Variants in LARP4B observed in about 807,000 individuals in gnomAD.
LARP4B encodes La ribonucleoprotein 4B.
LARP4B carries 12 observed loss-of-function variants against 89.8 expected under a neutral mutation model. That is an observed-to-expected ratio of 0.13 (90% confidence interval 0.09 to 0.22). The LOEUF is 0.22. LARP4B is among the 10% of genes least tolerant of loss of function. The pLI is 1.00. For synonymous variants in LARP4B, 367 were observed against 363.3 expected, an observed-to-expected ratio of 1.01 and a Z score of -0.12; for missense variants, 757 against 947.7, an observed-to-expected ratio of 0.80 and a Z score of 2.64.
chr10:837,374 A>G (rs1004686417), intron 7 of LARP4B, among the ~76,000 whole-genome samples: 3 of 152,264 alleles, frequency 2.0e-5, no homozygotes, highest in African/African-American at 7.2e-5. Context: ...GTAAAACTTA[A>G]CACTGGTAGA....
the LARP4B span, among the ~76,000 whole-genome samples, chr10:959,805 ATTCCC>A: frequency 9.5e-6 from 1 of 105,136 alleles, no homozygotes; most frequent in African/African-American, 3.9e-5. Flanking sequence ...CCTCCTCGTC[ATTCCC>A]ACCTCCTCGT....
intron 9 of LARP4B, among the ~76,000 whole-genome samples, chr10:830,453 A>G (rs979419604): frequency 7.9e-5 from 12 of 152,238 alleles, no homozygotes; most frequent in Non-Finnish European, 1.3e-4. Flanking sequence ...TAAAAGCAGG[A>G]AAACTACTAA....
rs112094567 is a variant in LARP4B at position 816,029 on chromosome 10, G to A, written c.1696-959C>T. 3.2e-3 allele frequency among the ~76,000 whole-genome samples: 480 copies of A among 152,354 alleles called. 1 individual carries two copies. The highest frequency in any genetic ancestry group is 0.011 in the African/African-American group (450 of 41,580). On this transcript the variant is annotated intron_variant, in intron 15 of 17. Coordinates refer to ENST00000316157, the MANE Select transcript of LARP4B (RefSeq NM_015155.3). ...GAATCACCTGAGGTCAGGGGTTTGA[G>A]GCCAGCCTGGCCAACATGGTGAAAC...
chr10:866,126 C>T (rs932889626), intron 3 of LARP4B, among the ~76,000 whole-genome samples: 32 of 152,178 alleles, frequency 2.1e-4, no homozygotes, highest in Admixed American at 2.1e-3. Flanking sequence ...TTCCTGCTCC[C>T]CCAGTCACTG....
the LARP4B span, among the ~76,000 whole-genome samples, chr10:943,055 T>G: frequency 6.6e-6 from 1 of 151,550 alleles, no homozygotes; most frequent in Non-Finnish European, 1.5e-5. Context: ...CAAGAGATTC[T>G]CCTGCCTTGG....
chr10:936,908 A>G, the LARP4B span, among the ~76,000 whole-genome samples: 2 of 152,234 alleles, frequency 1.3e-5, no homozygotes, highest in Non-Finnish European at 2.9e-5. Flanking sequence ...ACTGTGAGTA[A>G]AAAAGAACGC....
chr10:842,439 G>A (rs150953488), intron 7 of LARP4B, among the ~76,000 whole-genome samples: 1,649 of 151,922 alleles, frequency 0.011, 13 homozygotes, highest in African/African-American at 0.021. Flanking sequence ...CTCATGATCC[G>A]CCCAACTCGA....
the LARP4B span, among the ~76,000 whole-genome samples, chr10:967,465 C>T: frequency 6.6e-6 from 1 of 152,160 alleles, no homozygotes; most frequent in Non-Finnish European, 1.5e-5. Flanking sequence ...GGTGAAACCA[C>T]AAGACAAAGA....
rs1362215659 is a variant in LARP4B, at chr10:814,529, C to T, written c.1929+213G>A. 4 of 1,034,904 alleles carry T rather than the reference C, an allele frequency of 3.9e-6. No individual in the cohort carries two copies. The Admixed American group carries it at 6.4e-5, about 17-fold the overall frequency. 64.1% of individuals were successfully genotyped at this position (1,034,904 alleles called of 1,614,324 possible). On this transcript the variant is annotated intron_variant, in intron 17 of 17. Transcript: ENST00000316157. The surrounding 1 kb of genome is among the most constrained non-coding windows in gnomAD (Gnocchi z 4.4). ...GACCAACACTGAAATAAAAGGACTA[C>T]ATGGTGGTCTGAGAAAGAACTAGAG...
chr10:880,249 G>A (rs1396952279), intron 3 of LARP4B, among the ~76,000 whole-genome samples: 1 of 152,132 alleles, frequency 6.6e-6, no homozygotes, highest in Admixed American at 6.5e-5. Flanking sequence ...TCAAAATATA[G>A]GCCTGCAATA....
At chr10:828,794 G>A (rs1159869906) in intron 11 of LARP4B, among the ~76,000 whole-genome samples, 1 of 151,998 alleles carries the variant, frequency 6.6e-6, no homozygotes, top group Non-Finnish European at 1.5e-5. Flanking sequence ...GCTGACTCTC[G>A]TGCATCCAAT....
At chr10:966,085 T>A in the LARP4B span, among the ~76,000 whole-genome samples, 1 of 51,412 alleles carries the variant, frequency 1.9e-5, no homozygotes, top group East Asian at 7.6e-4. Context: ...TGTGTGTGTG[T>A]ATGAGATTTT....
At chr10:857,569 C>T (rs926396518) in intron 5 of LARP4B, among the ~76,000 whole-genome samples, 6 of 152,174 alleles carry the variant, frequency 3.9e-5, no homozygotes, top group Admixed American at 1.3e-4. Context: ...GTACGATTTT[C>T]GGATCAGGTC....
the LARP4B span, among the ~76,000 whole-genome samples, chr10:981,220 T>C: frequency 2.4e-4 from 37 of 152,360 alleles, no homozygotes; most frequent in African/African-American, 8.9e-4. Context: ...TCACTGTCCA[T>C]ATCACTATCA....
chr10:967,309 T>C, the LARP4B span, among the ~76,000 whole-genome samples: 1 of 152,092 alleles, frequency 6.6e-6, no homozygotes. Context: ...GAAGTAGACA[T>C]TGAACCCATG....
upstream of LARP4B, among the ~76,000 whole-genome samples, chr10:934,568 C>T (rs141190066): frequency 9.3e-4 from 141 of 152,270 alleles, no homozygotes; most frequent in Non-Finnish European, 1.8e-3. Context: ...TCCTTTCCAA[C>T]AATCAGAACT....
intron 1 of LARP4B, among the ~76,000 whole-genome samples, chr10:906,632 C>A (rs985185010): frequency 6.6e-6 from 1 of 152,192 alleles, no homozygotes; most frequent in Non-Finnish European, 1.5e-5. Flanking sequence ...CTGTTCACAA[C>A]CATATGCTCA....
At chr10:832,330 A>C (rs1832952926) in intron 8 of LARP4B, among the ~76,000 whole-genome samples, 1 of 152,238 alleles carries the variant, frequency 6.6e-6, no homozygotes, top group Admixed American at 6.5e-5. Flanking sequence ...GGCATGAGCC[A>C]CTGCGCCCGG....
chr10:972,980 T>A, the LARP4B span: 1 of 417,684 alleles, frequency 2.4e-6, no homozygotes, highest in Admixed American at 2.6e-5. Flanking sequence ...GCAGTAGGCG[T>A]TACCACTGTG....
Sources: allele counts gnomAD v4.1 joint callset (sites outside exome capture counted in the v4.1 genomes callset), GRCh38; gene constraint gnomAD v4.1.1; non-coding constraint Gnocchi (gnomAD v3.1); transcripts MANE v1.5; gene names NCBI Gene and HGNC (gene_info 2026-07-23, HGNC 2026-07-21).